The following TRMT1 variants were observed in gnomAD, a reference collection of about 807,000 sequenced individuals.
TRMT1 encodes the protein tRNA (guanine(26)-N(2))-dimethyltransferase.
A neutral mutation model predicts 75.4 loss-of-function variants in TRMT1; 63 were observed. The ratio of observed to expected loss-of-function variants is 0.84; its 90% CI spans 0.68 to 1.03. The LOEUF (loss-of-function observed/expected upper bound fraction) is 1.03. Among genes scored for constraint, TRMT1 ranks in the 50% least tolerant of loss-of-function variants. The pLI is 0.00. For synonymous variants in TRMT1, 382 were observed against 358.1 expected, an observed-to-expected ratio of 1.07 and a Z score of -0.75; for missense variants, 870 against 905.3, an observed-to-expected ratio of 0.96 and a Z score of 0.50.
At position 13,104,972 on chromosome 19, in the gene TRMT1, G is replaced by C. The variant is rs371881044; in HGVS notation, c.1943C>G (p.Pro648Arg). Residue 648 changes from proline to arginine, a missense_variant, in exon 17 of 17, where the codon CCT (proline) becomes CGT (arginine). Coordinates refer to ENST00000357720, the MANE Select transcript of TRMT1 (RefSeq NM_001136035.4). ...TGGCCCAGCGGCAGCCCCAGGTCCA[G>C]GGGGGGTCTGGTTGGAGGTCTCTGG... Reference protein sequence around the residue: ...DCPETSNQTPPGPGAAAGPGI... With the variant: ...DCPETSNQTPRGPGAAAGPGI... 4.1e-5 allele frequency: 66 copies of C among 1,613,502 alleles called. No homozygotes were observed. The highest frequency in any genetic ancestry group is 5.4e-5 in the Non-Finnish European group (64 of 1,179,826).
chr19:13,116,060 G>C lies in TRMT1; in HGVS notation c.255-8C>G. On this transcript the variant is annotated splice_polypyrimidine_tract_variant and splice_region_variant and intron_variant, in intron 2 of 16. Coordinates refer to ENST00000357720, the MANE Select transcript of TRMT1 (RefSeq NM_001136035.4). ...TCGGTGATCACAGCACATCTGGTGG[G>C]AGACAGAGGACTAGCTCATACCCCG... 1 of 1,614,032 alleles carries C rather than the reference G, an allele frequency of 6.2e-7. No homozygotes were observed. Among genetic ancestry groups the C allele is most frequent in the Non-Finnish European group, 8.5e-7 (1 of 1,180,014 alleles).
chr19:13,109,167 T>C (rs944691811), intron 12 of TRMT1, among the ~76,000 whole-genome samples: 5 of 151,644 alleles, frequency 3.3e-5, no homozygotes, highest in Non-Finnish European at 7.4e-5. Flanking sequence ...TATTTATTTA[T>C]TTATTTGTTA....
In TRMT1 at chr19:13,107,814, G is replaced by C. The variant is rs1220423063; in HGVS notation, c.1443C>G (p.Ala481=). Reference sequence around the variant, plus strand: ...CATCCGTCTTCACAGCGTTCTTACAGGCGTGGGAGAGTGAGACCCGGAAGT... The same window carrying C: ...CATCCGTCTTCACAGCGTTCTTACACGCGTGGGAGAGTGAGACCCGGAAGT... ...HADFRVSLSH[A]CKNAVKTDAP... Residue 481 remains alanine, a synonymous_variant, in exon 13 of 17, where the codon GCC becomes GCG. Coordinates refer to ENST00000357720, the MANE Select transcript of TRMT1 (RefSeq NM_001136035.4). 2 of 1,552,096 alleles carry C rather than the reference G, an allele frequency of 1.3e-6. No homozygotes were observed. The highest frequency in any genetic ancestry group is 2.0e-5 in the Admixed American group (1 of 51,000).
intron 5 of TRMT1, among the ~76,000 whole-genome samples, chr19:13,113,676 C>T (rs2019226784): frequency 6.6e-6 from 1 of 151,910 alleles, no homozygotes; most frequent in Non-Finnish European, 1.5e-5. Context: ...GTGGTGGGTT[C>T]TCGGCGCACT....
At position 13,112,704 on chromosome 19, in the gene TRMT1, C is replaced by T. The variant is rs1164078964; in HGVS notation, c.870+1G>A. The stretch of plus-strand genomic sequence containing the variant: ...TGGCTGGCTGGCAGAGGGCCCCTCA[C>T]CATCTCGTGGCAGGCCCGGCTCTTG... On this transcript the variant is annotated splice_donor_variant, in intron 7 of 16. Coordinates refer to ENST00000357720, the MANE Select transcript of TRMT1 (RefSeq NM_001136035.4). LOFTEE classifies it high-confidence loss of function. 1 of 1,610,940 alleles carries T rather than the reference C, an allele frequency of 6.2e-7. No individual in the cohort carries two copies. Among genetic ancestry groups the T allele is most frequent in the South Asian group, 1.1e-5 (1 of 90,986 alleles).
chr19:13,109,085 G>GGTGTGTGTGTGTGTGTGTGTGTGT (rs57825932), intron 12 of TRMT1, among the ~76,000 whole-genome samples: 42 of 147,360 alleles, frequency 2.9e-4, no homozygotes, highest in African/African-American at 1.0e-3. Context: ...CAGGCTAATG[G>GGTGTGTGTGTGTGTGTGTGTGTGT]GTGTGTGTGT....
At chr19:13,114,482 T>C (rs186347607) in intron 5 of TRMT1, among the ~76,000 whole-genome samples, 2 of 152,154 alleles carry the variant, frequency 1.3e-5, no homozygotes, top group Non-Finnish European at 2.9e-5. Flanking sequence ...CTGGCCACCA[T>C]GGTGAAACCC....
rs755300048 is a variant in TRMT1, at chr19:13,109,651, C to G, written c.1210G>C (p.Asp404His). Residue 404 changes from aspartate to histidine, a missense_variant, in exon 11 of 17, where the codon GAC becomes CAC. Coordinates refer to ENST00000357720, the MANE Select transcript of TRMT1 (RefSeq NM_001136035.4). ...GGPMWAEPIHDLDFVGRVLEA... is the reference protein window; with the variant it reads ...GGPMWAEPIHHLDFVGRVLEA... ...AGGACACGGCCCACAAAATCCAGGTCATGGATGGGCTCTGCCCACATGGGG... is the reference window on the plus strand; with the variant it reads ...AGGACACGGCCCACAAAATCCAGGTGATGGATGGGCTCTGCCCACATGGGG... 1.9e-6 allele frequency: 3 copies of G among 1,614,024 alleles called. No individual in the cohort carries two copies. The South Asian group carries it at 3.3e-5, about 18-fold the overall frequency.
intron 14 of TRMT1, among the ~76,000 whole-genome samples, chr19:13,106,286 G>A: frequency 1.2e-5 from 1 of 81,048 alleles, no homozygotes; most frequent in East Asian, 4.4e-4. Context: ...TGTTGCCCAG[G>A]CTGGTTTCAT....
rs753900313 is a variant in TRMT1 at position 13,110,125 on chromosome 19, C to T, written c.1019+33G>A. 3 of 1,609,702 alleles carry T rather than the reference C, an allele frequency of 1.9e-6. No individual in the cohort carries two copies. In the African/African-American group the frequency reaches 4.0e-5, roughly 22 times the overall value. Reference sequence around the variant, plus strand: ...CAGGGCAAGGTCCTGTCTCCTCTCTCAATCCACCACCGCTCTCTGCCCCCG... The same window carrying T: ...CAGGGCAAGGTCCTGTCTCCTCTCTTAATCCACCACCGCTCTCTGCCCCCG... On this transcript the variant is annotated intron_variant, in intron 8 of 16. Coordinates refer to ENST00000357720, the MANE Select transcript of TRMT1 (RefSeq NM_001136035.4).
In TRMT1 at chr19:13,105,841, C is replaced by G. The variant is rs1406482060; in HGVS notation, c.1584-235G>C. Among the ~76,000 whole-genome samples, 3 of 152,126 alleles carry G rather than the reference C, an allele frequency of 2.0e-5. No individual in the cohort carries two copies. In the East Asian group the frequency reaches 5.8e-4, roughly 29 times the overall value. ...TTTTGGGAGGCTGAGGCGGGTGGAT[C>G]ACCTGAGGTCAGGAGTTCGAGACCA... On this transcript the variant is annotated intron_variant, in intron 14 of 16. Coordinates refer to ENST00000357720, the MANE Select transcript of TRMT1 (RefSeq NM_001136035.4).
At chr19:13,114,733 C>G (rs547953891) in intron 5 of TRMT1, among the ~76,000 whole-genome samples, 1 of 152,014 alleles carries the variant, frequency 6.6e-6, no homozygotes, top group South Asian at 2.1e-4. Context: ...CCCAGCTACT[C>G]GGGAGGCTGA....
chr19:13,105,138 G>A lies in TRMT1; in HGVS notation c.1834-57C>T, dbSNP rs1317087466. Reference sequence around the variant, plus strand: ...CCCGGAGCTCAGCAGCCCCTGATGGGATCCTTTCCTGGGATGGGAAGCCCA... The same window carrying A: ...CCCGGAGCTCAGCAGCCCCTGATGGAATCCTTTCCTGGGATGGGAAGCCCA... On this transcript the variant is annotated intron_variant, in intron 16 of 16. Transcript: ENST00000357720. The A allele has an allele frequency of 8.4e-6, 13 of 1,548,576 alleles. No individual in the cohort carries two copies. In the East Asian group the frequency reaches 2.7e-4, roughly 32 times the overall value.
At position 13,110,313 on chromosome 19, in the gene TRMT1, G is replaced by A. The variant is rs745672499; in HGVS notation, c.871-7C>T. The A allele has an allele frequency of 6.2e-6, 5 of 807,230 alleles. No homozygotes were observed. Among genetic ancestry groups the A allele is most frequent in the East Asian group, 2.8e-5 (1 of 35,490 alleles). The allele number at this position is 807,230 out of a possible 1,614,324, so 50.0% of individuals were successfully genotyped here. ...GCAGGACGATTCTCAGGGCCTGGGG[G>A]TGGGGGGTGGGTGTCAGCCTCCCCT... On this transcript the variant is annotated splice_polypyrimidine_tract_variant and splice_region_variant and intron_variant, in intron 7 of 16. Coordinates refer to ENST00000357720, the MANE Select transcript of TRMT1 (RefSeq NM_001136035.4).
intron 14 of TRMT1, among the ~76,000 whole-genome samples, chr19:13,106,677 G>T (rs1348501894): frequency 5.4e-5 from 8 of 147,678 alleles, no homozygotes; most frequent in Non-Finnish European, 1.2e-4. Context: ...AGTAGAGACA[G>T]GGTTTCGTCA....
In TRMT1 at chr19:13,116,027, G is replaced by C; in HGVS notation, c.280C>G (p.Arg94Gly). The change falls in exon 3 of 17, where the codon CGC (arginine) becomes GGC (glycine). Residue 94 changes from arginine (R) to glycine (G), a missense_variant. Physicochemically the swap from Arg to Gly is moderately radical, Grantham distance 125. Transcript: ENST00000357720. The part of the protein sequence containing the change: ...LTCAVITEFA[R>G]IQLGAKGIQI... ...ATTCCTTTGGCCCCAAGCTGAATGC[G>C]AGCAAACTCGGTGATCACAGCACAT... 1.9e-6 allele frequency: 3 copies of C among 1,613,946 alleles called. No individual in the cohort carries two copies. Among genetic ancestry groups the C allele is most frequent in the Non-Finnish European group, 2.5e-6 (3 of 1,180,002 alleles).
chr19:13,109,483 G>C lies in TRMT1; in HGVS notation c.1312-17C>G. The C allele has an allele frequency of 6.2e-7, 1 of 1,614,032 alleles. No individual in the cohort carries two copies. The highest frequency in any genetic ancestry group is 8.5e-7 in the Non-Finnish European group (1 of 1,180,010). On this transcript the variant is annotated splice_polypyrimidine_tract_variant and intron_variant, in intron 11 of 16. Transcript: ENST00000357720. ...CGGGAGCTCCTGCGATGGGGGACAG[G>C]ATGGGCATGAGTGGAGATGGACGGG...
chr19:13,111,550 ATTTT>A (rs35140536), intron 7 of TRMT1, among the ~76,000 whole-genome samples: 2 of 124,546 alleles, frequency 1.6e-5, no homozygotes, highest in African/African-American at 3.1e-5. Context: ...CGCCCAGCTA[ATTTT>A]TTTTTTTTTT....
Position 13,115,310 on chromosome 19 carries a change from G to T in TRMT1, c.610C>A (p.His204Asn). ...RRNVQLNDVA[H>N]LVQPSQADAR... ...TCTGCTTGGCTCGGCTGTACCAGGTGGGCCACGTCATTGAGCTGGACATTC... is the reference window on the plus strand; with the variant it reads ...TCTGCTTGGCTCGGCTGTACCAGGTTGGCCACGTCATTGAGCTGGACATTC... Residue 204 changes from histidine (H) to asparagine (N), a missense_variant, in exon 5 of 17, where the codon CAC (histidine) becomes AAC (asparagine). Physicochemically the swap from His to Asn is moderately conservative, Grantham distance 68 (BLOSUM62 1). Coordinates refer to ENST00000357720, the MANE Select transcript of TRMT1 (RefSeq NM_001136035.4). 6.2e-7 allele frequency: 1 copy of T among 1,613,736 alleles called. No individual in the cohort carries two copies. Among genetic ancestry groups the T allele is most frequent in the South Asian group, 1.1e-5 (1 of 91,066 alleles).
Sources: allele counts gnomAD v4.1 joint callset (sites outside exome capture counted in the v4.1 genomes callset), GRCh38; gene constraint gnomAD v4.1.1; transcripts MANE v1.5; gene names NCBI Gene and HGNC (gene_info 2026-07-23, HGNC 2026-07-21).